The following ATP12A variants were observed in gnomAD, a reference collection of about 807,000 sequenced individuals.
The protein encoded by ATP12A is ATPase H+/K+ transporting non-gastric alpha2 subunit, also known as potassium-transporting ATPase alpha chain 2.
ATP12A carries 81 observed loss-of-function variants against 111.2 expected under a neutral mutation model. The ratio of observed to expected loss-of-function variants is 0.73; its 90% CI spans 0.61 to 0.88. The LOEUF is 0.88. Ranked by LOEUF, ATP12A falls within the 40% of genes least tolerant of loss-of-function variation. The probability of loss-of-function intolerance (pLI) is 0.00; values close to 1 mark genes in which losing one functional copy is unlikely to be tolerated. For missense variants in ATP12A, 1,196 were observed against 1,313.1 expected (o/e 0.91, Z 1.38); for synonymous variants, 498 against 499.8 (o/e 1.00, Z 0.05).
chr13:24,690,638 C>A lies in ATP12A; in HGVS notation c.716C>A (p.Pro239His). ...DNSSLTGESEPQPRSSEFTHE... is the reference protein window; with the variant it reads ...DNSSLTGESEHQPRSSEFTHE... ...TCATCTCTCACGGGGGAGTCTGAGC[C>A]CCAGCCCCGCTCCTCTGAGTTTACC... The change falls in exon 7 of 23, where the codon CCC becomes CAC. Residue 239 changes from proline (P) to histidine (H), a missense_variant. Around this residue, in one of 3 missense-constraint regions of ATP12A, gnomAD observed 1,126 missense variants for 1,228.5 expected, o/e 0.92. Transcript: ENST00000381946. The A allele has an allele frequency of 6.2e-7, 1 of 1,613,494 alleles. No homozygotes were observed. Among genetic ancestry groups the A allele is most frequent in the Non-Finnish European group, 8.5e-7 (1 of 1,179,810 alleles).
chr13:24,683,358 G>A (rs1375381594), intron 2 of ATP12A, among the ~76,000 whole-genome samples: 1 of 152,186 alleles, frequency 6.6e-6, no homozygotes, highest in Non-Finnish European at 1.5e-5. Context: ...AGCTTGAGAT[G>A]GGCTGGATTG....
intron 19 of ATP12A, among the ~76,000 whole-genome samples, chr13:24,710,112 T>C (rs1251884755): frequency 1.3e-5 from 2 of 152,210 alleles, no homozygotes; most frequent in Non-Finnish European, 2.9e-5. Flanking sequence ...CAAATAAATT[T>C]ACATCTTTCA....
In ATP12A at chr13:24,680,767, C is replaced by G. The variant is rs1242030324; in HGVS notation, c.9+15C>G. 3 of 1,488,636 alleles carry G rather than the reference C, an allele frequency of 2.0e-6. No individual in the cohort carries two copies. The highest frequency in any genetic ancestry group is 2.7e-6 in the Non-Finnish European group (3 of 1,126,614). The allele number at this position is 1,488,636 out of a possible 1,614,324, so 92.2% of individuals were successfully genotyped here. A position where few individuals can be genotyped will look rare whatever the true frequency, so the allele number is the denominator to read the frequency against. ...GCATGCACCAGGTGCGTGCAGCCCC[C>G]GCGCCGGCCGAGGATGCGAGACGCT... On this transcript the variant is annotated intron_variant, in intron 1 of 22. Coordinates refer to ENST00000381946, the MANE Select transcript of ATP12A (RefSeq NM_001676.7).
intron 12 of ATP12A, 31 bp downstream of exon 12, chr13:24,698,881 C>A (rs765250802): frequency 6.2e-7 from 1 of 1,608,518 alleles, no homozygotes; most frequent in Admixed American, 1.7e-5. Flanking sequence ...CTGCCCATCA[C>A]CTGGTGGGCA....
chr13:24,684,790 G>A (rs1254636121), intron 2 of ATP12A, among the ~76,000 whole-genome samples: 2 of 152,240 alleles, frequency 1.3e-5, no homozygotes, highest in Non-Finnish European at 2.9e-5. Flanking sequence ...ACTTTTCCCT[G>A]CAGGGTTTCT....
At position 24,691,174 on chromosome 13, in the gene ATP12A, A is replaced by G; in HGVS notation, c.992A>G (p.Gln331Arg). The change falls in exon 8 of 23, where the codon CAA becomes CGA. Residue 331 changes from glutamine to arginine, a missense_variant. By Grantham distance (43) the Gln-to-Arg change is conservative (BLOSUM62 1). Transcript: ENST00000381946. ...FFIIAVSLKY[Q>R]VLDSIIFLIG... ...ATCATCGCTGTGTCCCTGAAGTATC[A>G]AGTCCTGGACTCCATCATCTTCCTC... The G allele has an allele frequency of 6.2e-7, 1 of 1,614,074 alleles. No homozygotes were observed. Among genetic ancestry groups the G allele is most frequent in the Admixed American group, 1.7e-5 (1 of 60,016 alleles).
intron 17 of ATP12A, among the ~76,000 whole-genome samples, chr13:24,708,967 A>AAAAGAAAGAAAGAAAGAAAGAAAGAG (rs1875831844): frequency 1.3e-5 from 2 of 149,874 alleles, no homozygotes; most frequent in African/African-American, 2.5e-5. Flanking sequence ...GAAAGAAGGA[A>AAAAGAAAGAAAGAAAGAAAGAAAGAG]AGAGAAAGAG....
At chr13:24,693,422 C>T (rs1044311796) in intron 10 of ATP12A, among the ~76,000 whole-genome samples, 10 of 152,014 alleles carry the variant, frequency 6.6e-5, no homozygotes, top group Admixed American at 5.9e-4. Context: ...TTTCTATTTG[C>T]CATCTGTTTC....
At chr13:24,693,691 A>G (rs1392746807) in intron 10 of ATP12A, among the ~76,000 whole-genome samples, 2 of 152,158 alleles carry the variant, frequency 1.3e-5, no homozygotes, top group African/African-American at 4.8e-5. Flanking sequence ...CCTTGCCGCA[A>G]TTTTCTAATT....
chr13:24,706,283 G>A (rs1179775920), intron 14 of ATP12A, 30 bp from the exon 15 acceptor site: 1 of 1,609,812 alleles, frequency 6.2e-7, no homozygotes, highest in East Asian at 2.2e-5. Context: ...CTGCCCTTGG[G>A]CCTCACCCAG....
In ATP12A at chr13:24,692,898, T is replaced by C; in HGVS notation, c.1377+2T>C. Reference sequence around the variant, plus strand: ...CAGGAAAATGTCCCCATCATGAAGGTAATGCTTCTGCAGCACTTGGTCTTA... The same window carrying C: ...CAGGAAAATGTCCCCATCATGAAGGCAATGCTTCTGCAGCACTTGGTCTTA... On this transcript the variant is annotated splice_donor_variant, in intron 10 of 22. Coordinates refer to ENST00000381946, the MANE Select transcript of ATP12A (RefSeq NM_001676.7). LOFTEE classifies it high-confidence loss of function. 1.2e-6 allele frequency: 2 copies of C among 1,612,162 alleles called. No individual in the cohort carries two copies. Among genetic ancestry groups the C allele is most frequent in the Non-Finnish European group, 1.7e-6 (2 of 1,178,242 alleles).
chr13:24,710,812 G>A lies in ATP12A; in HGVS notation c.2918G>A (p.Gly973Glu), dbSNP rs767054341. Residue 973 changes from glycine (G) to glutamate (E), a missense_variant, in exon 21 of 23, where the codon GGG becomes GAG. Coordinates refer to ENST00000381946, the MANE Select transcript of ATP12A (RefSeq NM_001676.7). ...GLFRNKVIWV[G>E]ITSQIIIGLI... is the part of the protein sequence containing the mutation. ...TGCAGAAATAAAGTCATCTGGGTGGGGATCACCTCACAGATCATCATTGGT... is the reference window on the plus strand; with the variant it reads ...TGCAGAAATAAAGTCATCTGGGTGGAGATCACCTCACAGATCATCATTGGT... 6.2e-7 allele frequency: 1 copy of A among 1,614,134 alleles called. No individual in the cohort carries two copies. Among genetic ancestry groups the A allele is most frequent in the South Asian group, 1.1e-5 (1 of 91,066 alleles).
chr13:24,706,038 T>C (rs977781836), intron 14 of ATP12A, among the ~76,000 whole-genome samples: 6 of 152,328 alleles, frequency 3.9e-5, no homozygotes, highest in Non-Finnish European at 5.9e-5. Flanking sequence ...GAAGTACCAC[T>C]CTCACCTGTT....
intron 13 of ATP12A, among the ~76,000 whole-genome samples, chr13:24,701,223 C>T (rs1875378893): frequency 1.3e-5 from 2 of 152,084 alleles, no homozygotes; most frequent in African/African-American, 4.8e-5. Context: ...ATTGGCTGGG[C>T]GCAGTGGCTC....
chr13:24,696,268 C>T (rs1875146739), intron 11 of ATP12A, among the ~76,000 whole-genome samples: 1 of 152,088 alleles, frequency 6.6e-6, no homozygotes, highest in African/African-American at 2.4e-5. Flanking sequence ...ATGATGCCTC[C>T]ATCAGCAGCA....
intron 14 of ATP12A, among the ~76,000 whole-genome samples, chr13:24,704,114 C>T (rs945500243): frequency 2.6e-5 from 4 of 152,132 alleles, no homozygotes; most frequent in African/African-American, 4.8e-5. Flanking sequence ...TCTCCTGCCT[C>T]AGCCTCCTGA....
chr13:24,680,862 G>T, intron 1 of ATP12A, 110 bp downstream of exon 1: 8 of 1,377,348 alleles, frequency 5.8e-6, no homozygotes, highest in Non-Finnish European at 6.5e-6. Flanking sequence ...GAAACGCCCC[G>T]TCCCGGGGCA....
Position 24,711,869 on chromosome 13 carries a change from T to G in ATP12A, c.*347T>G. The G allele has an allele frequency of 2.9e-6, 1 of 341,930 alleles. No individual in the cohort carries two copies. The highest frequency in any genetic ancestry group is 5.5e-6 in the Non-Finnish European group (1 of 182,776). 21.2% of individuals were successfully genotyped at this position (341,930 alleles called of 1,614,324 possible). A position where few individuals can be genotyped will look rare whatever the true frequency, so the allele number is the denominator to read the frequency against. On this transcript the variant is annotated 3_prime_UTR_variant, in exon 23 of 23. Transcript: ENST00000381946. ...ATCTACTGGGGCCTGCCTTAAGCTC[T>G]AGCTAGGATTGCTCAGAACTCCTTT...
chr13:24,700,998 A>G, intron 13 of ATP12A, 76 bp downstream of exon 13: 1 of 1,512,122 alleles, frequency 6.6e-7, no homozygotes, highest in Non-Finnish European at 9.0e-7. Flanking sequence ...TTCATAGCAG[A>G]TGGTCAGTAT....
Sources: gnomAD v4.1 joint callset for allele counts (sites outside exome capture counted in the v4.1 genomes callset) on GRCh38, gnomAD v4.1.1 for gene constraint, gnomAD v4.1.1 regional missense constraint, MANE v1.5 for transcripts, NCBI Gene and HGNC (gene_info 2026-07-23, HGNC 2026-07-21) for gene names.